Variants in OSTM1 observed in about 807,000 individuals in gnomAD.
The protein encoded by OSTM1 is osteoclastogenesis associated transmembrane protein 1.
A neutral mutation model predicts 35.4 loss-of-function variants in OSTM1; 26 were observed. The ratio of observed to expected loss-of-function variants is 0.73; its 90% confidence interval spans 0.54 to 1.02. The LOEUF is 1.02. OSTM1 is among the 50% of genes least tolerant of loss of function. The pLI, the probability that OSTM1 is intolerant of heterozygous loss-of-function variation, is 0.00. For synonymous variants in OSTM1, 181 were observed against 165.0 expected, an observed-to-expected ratio of 1.10 and a Z score of -0.75; for missense variants, 366 against 409.6, an observed-to-expected ratio of 0.89 and a Z score of 0.92.
At chr6:108,062,540 T>TC (rs938399683) in intron 2 of OSTM1, among the ~76,000 whole-genome samples, 1 of 150,554 alleles carries the variant, frequency 6.6e-6, no homozygotes, top group African/African-American at 2.4e-5. Context: ...CTTTTCTTTT[T>TC]TTTTTTTTTT....
intron 2 of OSTM1, among the ~76,000 whole-genome samples, chr6:108,058,710 G>A (rs565936664): frequency 2.6e-5 from 4 of 152,150 alleles, no homozygotes; most frequent in South Asian, 2.1e-4. Flanking sequence ...CCTGGGAGGC[G>A]GAGCTTGCAG....
In OSTM1 at chr6:108,074,414, G is replaced by A. The variant is rs754095587; in HGVS notation, c.238C>T (p.Leu80=). The part of the protein sequence containing the change: ...PLSLPPDLPD[L]DPECRELLLD... Reference sequence around the variant, plus strand: ...AGGAGCTCCCGGCACTCAGGATCCAGATCCGGCAGGTCCGGGGGCAGCGAC... The same window carrying A: ...AGGAGCTCCCGGCACTCAGGATCCAAATCCGGCAGGTCCGGGGGCAGCGAC... The change falls in exon 1 of 6, where the codon CTG becomes TTG. Residue 80 remains leucine (L), a synonymous_variant. Transcript: ENST00000193322. The A allele has an allele frequency of 2.6e-6, 4 of 1,567,608 alleles. No homozygotes were observed. Among genetic ancestry groups the A allele is most frequent in the South Asian group, 2.3e-5 (2 of 86,112 alleles).
chr6:108,071,895 A>G (rs1055109991), intron 1 of OSTM1, among the ~76,000 whole-genome samples: 10 of 152,310 alleles, frequency 6.6e-5, no homozygotes, highest in African/African-American at 2.4e-4. Context: ...TCTGAGGGAA[A>G]GGAAGGGGGT....
intron 4 of OSTM1, among the ~76,000 whole-genome samples, chr6:108,049,838 A>G (rs1772045117): frequency 6.6e-6 from 1 of 152,168 alleles, no homozygotes; most frequent in Non-Finnish European, 1.5e-5. Context: ...AAAAAGCCAC[A>G]CTGTACATTT....
At chr6:108,052,775 ACTTT>A (rs1167730159) in intron 3 of OSTM1, among the ~76,000 whole-genome samples, 2 of 152,190 alleles carry the variant, frequency 1.3e-5, no homozygotes, top group Admixed American at 6.5e-5. Context: ...GTTTCCAAAG[ACTTT>A]CTAAAAACCC....
At chr6:108,052,778 T>A (rs1301021168) in intron 3 of OSTM1, among the ~76,000 whole-genome samples, 1 of 152,142 alleles carries the variant, frequency 6.6e-6, no homozygotes, top group Non-Finnish European at 1.5e-5. Flanking sequence ...TCCAAAGACT[T>A]TCTAAAAACC....
intron 5 of OSTM1, among the ~76,000 whole-genome samples, chr6:108,046,168 A>AT (rs750495431): frequency 0.013 from 1,229 of 93,428 alleles, 2 homozygotes; most frequent in Non-Finnish European, 0.017. Flanking sequence ...CGCCCAGCTA[A>AT]TTTTTTTTTT....
Position 108,042,404 on chromosome 6 carries a change from T to C in OSTM1, c.*2381A>G, listed in dbSNP as rs1380746596. The C allele has an allele frequency of 4.7e-5, 6 of 128,388 alleles. No individual in the cohort carries two copies. The highest frequency in any genetic ancestry group is 8.1e-5 in the Non-Finnish European group (5 of 61,640). 8.0% of individuals were successfully genotyped at this position (128,388 alleles called of 1,614,324 possible). The stretch of plus-strand genomic sequence containing the variant: ...CAGCAAAATTTAAGACAGACAGTAC[T>C]TTCTTTTTTCTTTTTTTTTTTTTTT... On this transcript the variant is annotated 3_prime_UTR_variant, in exon 6 of 6. Transcript: ENST00000193322.
intron 1 of OSTM1, among the ~76,000 whole-genome samples, chr6:108,071,574 A>G (rs1772486939): frequency 6.6e-6 from 1 of 150,556 alleles, no homozygotes; most frequent in Non-Finnish European, 1.5e-5. Context: ...TGGCCTCCCA[A>G]AGTGCTGGGA....
At chr6:108,071,460 ATTTTT>A (rs545759140) in intron 1 of OSTM1, among the ~76,000 whole-genome samples, 3 of 103,418 alleles carry the variant, frequency 2.9e-5, no homozygotes, top group African/African-American at 4.1e-5. Flanking sequence ...CACCCGGCTA[ATTTTT>A]TTTTTTTTTT....
chr6:108,060,264 A>G (rs145838723), intron 2 of OSTM1, among the ~76,000 whole-genome samples: 1 of 152,346 alleles, frequency 6.6e-6, no homozygotes, highest in East Asian at 1.9e-4. Context: ...AATGTAAGGA[A>G]TATTTTCAAG....
chr6:108,049,506 A>C, intron 4 of OSTM1, 88 bp from the exon 5 acceptor site: 3 of 1,582,054 alleles, frequency 1.9e-6, no homozygotes, highest in Non-Finnish European at 2.6e-6. Context: ...CTAAACAGGA[A>C]TCTAGAATTT....
chr6:108,050,059 C>T (rs1342231243), intron 4 of OSTM1, among the ~76,000 whole-genome samples: 3 of 152,024 alleles, frequency 2.0e-5, no homozygotes, highest in African/African-American at 7.3e-5. Flanking sequence ...CTAGTGGCAC[C>T]CTATGTAAAG....
intron 4 of OSTM1, among the ~76,000 whole-genome samples, chr6:108,050,105 GAC>G (rs758986944): frequency 7.2e-5 from 11 of 152,046 alleles, no homozygotes; most frequent in Admixed American, 1.3e-4. Flanking sequence ...AATTTTTTTT[GAC>G]CATTCAATTA....
At chr6:108,063,283 C>T (rs1314691408) in intron 2 of OSTM1, among the ~76,000 whole-genome samples, 1 of 152,208 alleles carries the variant, frequency 6.6e-6, no homozygotes, top group Non-Finnish European at 1.5e-5. Flanking sequence ...TCCCAAAGTG[C>T]TGGGATTACA....
Position 108,074,691 on chromosome 6 carries a change from T to C in OSTM1, c.-40A>G, listed in dbSNP as rs1201473760. On this transcript the variant is annotated 5_prime_UTR_variant, in exon 1 of 6. Coordinates refer to ENST00000193322, the MANE Select transcript of OSTM1 (RefSeq NM_014028.4). Reference sequence around the variant, plus strand: ...ACCCCAGGGAGCCCACCGCCGCCTCTCCGCCCCCAGCCGGCACCGCGGACA... The same window carrying C: ...ACCCCAGGGAGCCCACCGCCGCCTCCCCGCCCCCAGCCGGCACCGCGGACA... 7.4e-6 allele frequency: 11 copies of C among 1,495,286 alleles called. No individual in the cohort carries two copies. The highest frequency in any genetic ancestry group is 8.9e-6 in the Non-Finnish European group (10 of 1,128,852). The allele number at this position is 1,495,286 out of a possible 1,614,324, so 92.6% of individuals were successfully genotyped here. A position where few individuals can be genotyped will look rare whatever the true frequency, so the allele number is the denominator to read the frequency against.
intron 3 of OSTM1, 146 bp from the exon 4 acceptor site, chr6:108,051,344 A>G (rs1483948263): frequency 3.2e-6 from 2 of 627,286 alleles, no homozygotes; most frequent in Non-Finnish European, 5.5e-6. Context: ...TTACTAAATC[A>G]CTCTGAGTCT....
rs1186800628 is a variant in OSTM1 at position 108,041,839 on chromosome 6, A to T, written c.*2946T>A. ...CCTAGGGATCCATCCAGCTCTGGGA[A>T]TCTATCATCAGATGGCCTCTAAGGT... On this transcript the variant is annotated 3_prime_UTR_variant, in exon 6 of 6. Coordinates refer to ENST00000193322, the MANE Select transcript of OSTM1 (RefSeq NM_014028.4). The T allele has an allele frequency of 1.3e-5, 2 of 152,206 alleles. No individual in the cohort carries two copies. Among genetic ancestry groups the T allele is most frequent in the Admixed American group, 1.3e-4 (2 of 15,274 alleles). 9.4% of individuals were successfully genotyped at this position (152,206 alleles called of 1,614,324 possible). A position where few individuals can be genotyped will look rare whatever the true frequency, so the allele number is the denominator to read the frequency against.
intron 5 of OSTM1, among the ~76,000 whole-genome samples, chr6:108,045,952 T>G (rs1307026615): frequency 6.6e-6 from 1 of 152,114 alleles, no homozygotes; most frequent in Non-Finnish European, 1.5e-5. Context: ...ATAATTCTGA[T>G]GTGTAGCCAA....
Sources: allele counts gnomAD v4.1 joint callset (sites outside exome capture counted in the v4.1 genomes callset), GRCh38; gene constraint gnomAD v4.1.1; transcripts MANE v1.5; gene names NCBI Gene and HGNC (gene_info 2026-07-23, HGNC 2026-07-21).